The following PTPRA variants were observed in gnomAD, a reference collection of about 807,000 sequenced individuals.
PTPRA encodes protein tyrosine phosphatase receptor type A, also known as receptor-type tyrosine-protein phosphatase alpha.
A neutral mutation model predicts 104.8 loss-of-function variants in PTPRA; 25 were observed. The ratio of observed to expected loss-of-function variants is 0.24; its 90% confidence interval spans 0.17 to 0.33. PTPRA has a LOEUF of 0.33. Ranked by LOEUF, PTPRA falls within the 10% of genes least tolerant of loss-of-function variation. PTPRA has a pLI of 1.00. For synonymous variants in PTPRA, 323 were observed against 368.9 expected, an observed-to-expected ratio of 0.88 and a Z score of 1.43; for missense variants, 765 against 1,015.3, an observed-to-expected ratio of 0.75 and a Z score of 3.35.
intron 1 of PTPRA, among the ~76,000 whole-genome samples, chr20:2,877,037 A>T (rs2089764368): frequency 6.6e-6 from 1 of 151,962 alleles, no homozygotes; most frequent in Non-Finnish European, 1.5e-5. Flanking sequence ...TGCACCCCTC[A>T]TGTTTGTATT....
intron 3 of PTPRA, among the ~76,000 whole-genome samples, chr20:2,949,978 AC>A (rs2061299450): frequency 6.6e-6 from 1 of 152,050 alleles, no homozygotes; most frequent in African/African-American, 2.4e-5. Context: ...ATTTGTTGAT[AC>A]TTTGTTATGA....
chr20:2,937,822 C>T lies in PTPRA; in HGVS notation c.-49-10160C>T, dbSNP rs2060764057. 1.3e-5 allele frequency among the ~76,000 whole-genome samples: 2 copies of T among 152,134 alleles called. 1 individual carries two copies. The highest frequency in any genetic ancestry group is 1.3e-4 in the Admixed American group (2 of 15,266). On this transcript the variant is annotated intron_variant, in intron 2 of 23. Coordinates refer to ENST00000399903, the MANE Select transcript of PTPRA (RefSeq NM_001385305.1). ...CATTTTTATTTCTGAAGGATATTTT[C>T]ACTGTCTATAGAATTTTAGCTTGAT...
chr20:2,892,626 A>G (rs756999677), intron 1 of PTPRA, among the ~76,000 whole-genome samples: 1 of 152,174 alleles, frequency 6.6e-6, no homozygotes, highest in Non-Finnish European at 1.5e-5. Context: ...GCTCAACTGT[A>G]TGCTAATGTG....
intron 3 of PTPRA, among the ~76,000 whole-genome samples, chr20:2,956,636 G>C (rs540049407): frequency 6.6e-6 from 1 of 151,200 alleles, no homozygotes; most frequent in African/African-American, 2.4e-5. Context: ...CAGAGTGAGA[G>C]AGCAAGACCC....
intron 2 of PTPRA, among the ~76,000 whole-genome samples, chr20:2,928,823 T>C (rs1044896791): frequency 1.3e-5 from 2 of 151,026 alleles, no homozygotes; most frequent in African/African-American, 4.9e-5. Flanking sequence ...CTAATCTTTT[T>C]TTCTCTCTTT....
intron 11 of PTPRA, 111 bp downstream of exon 11, chr20:3,007,531 T>C (rs2063932001): frequency 8.1e-7 from 1 of 1,230,850 alleles, no homozygotes; most frequent in Non-Finnish European, 1.1e-6. Flanking sequence ...ATGTTTTCCC[T>C]GACAAGTCTG....
the PTPRA span, chr20:2,864,344 C>G: frequency 3.6e-5 from 58 of 1,614,016 alleles, no homozygotes; most frequent in Non-Finnish European, 4.7e-5. The surrounding 1 kb of genome is among the most constrained non-coding windows in gnomAD (Gnocchi z 5.2). Flanking sequence ...GGAATTCCCA[C>G]TCCACCTTAC....
chr20:2,873,270 T>C (rs1260040755), upstream of PTPRA: 1 of 152,086 alleles, frequency 6.6e-6, no homozygotes, highest in African/African-American at 2.4e-5. The surrounding 1 kb of genome is among the most constrained non-coding windows in gnomAD (Gnocchi z 4.4). Context: ...CCTTCCGGGG[T>C]CCAGCTTCCC....
chr20:2,995,610 G>A (rs1051232669), intron 9 of PTPRA, among the ~76,000 whole-genome samples: 5 of 152,108 alleles, frequency 3.3e-5, no homozygotes, highest in Non-Finnish European at 7.4e-5. Flanking sequence ...CATCATTTCT[G>A]TTGTCTCACT....
At chr20:3,025,808 G>T (rs1005922933) in intron 17 of PTPRA, among the ~76,000 whole-genome samples, 1 of 148,214 alleles carries the variant, frequency 6.7e-6, no homozygotes, top group African/African-American at 2.5e-5. Context: ...GGCAGAGATT[G>T]CAGTGAGCTG....
At chr20:2,947,802 T>C (rs915718209) in intron 2 of PTPRA, among the ~76,000 whole-genome samples, 180 bp from the exon 3 acceptor site, 1 of 152,184 alleles carries the variant, frequency 6.6e-6, no homozygotes, top group African/African-American at 2.4e-5. Flanking sequence ...ATCTGATGAA[T>C]ATGGTGACTT....
chr20:3,013,170 A>G (rs755818656), intron 11 of PTPRA, among the ~76,000 whole-genome samples: 9 of 152,158 alleles, frequency 5.9e-5, no homozygotes, highest in Non-Finnish European at 1.2e-4. Flanking sequence ...CCATCACTTA[A>G]CTTTTTGCGT....
At position 3,031,913 on chromosome 20, in the gene PTPRA, T is replaced by G. The variant is rs118026467; in HGVS notation, c.1921-3672T>G. 2.6e-3 allele frequency among the ~76,000 whole-genome samples: 396 copies of G among 152,324 alleles called. 1 individual carries two copies. Among genetic ancestry groups the G allele is most frequent in the Non-Finnish European group, 4.6e-3 (316 of 68,024 alleles). On this transcript the variant is annotated intron_variant, in intron 20 of 23. Coordinates refer to ENST00000399903, the MANE Select transcript of PTPRA (RefSeq NM_001385305.1). ...CTCTAGTAAAACCCAGTTATATGCC[T>G]CTATCTGATATAGCAAACATCACTG...
chr20:2,949,288 A>G (rs1276749732), intron 3 of PTPRA, among the ~76,000 whole-genome samples: 7 of 149,420 alleles, frequency 4.7e-5, no homozygotes, highest in South Asian at 2.1e-4. Flanking sequence ...CTTACTTCCT[A>G]TGGATTCTTG....
At position 3,037,221 on chromosome 20, in the gene PTPRA, G is replaced by A. The variant is rs753801194; in HGVS notation, c.2266G>A (p.Gly756Arg). 6.2e-7 allele frequency: 1 copy of A among 1,614,130 alleles called. No homozygotes were observed. Among genetic ancestry groups the A allele is most frequent in the African/African-American group, 1.3e-5 (1 of 74,940 alleles). ...CGTCCTGGAGCGTGTGAAAGCAGAG[G>A]GGATTTTGGATGTCTTCCAGACTGT... ...STVLERVKAEGILDVFQTVKS... is the reference protein window; with the variant it reads ...STVLERVKAERILDVFQTVKS... Residue 756 changes from glycine to arginine, a missense_variant, in exon 23 of 24, where the codon GGG becomes AGG. Gly to Arg is a moderately radical substitution (Grantham distance 125, BLOSUM62 -2). Transcript: ENST00000399903. The surrounding 1 kb of genome is among the most constrained non-coding windows in gnomAD (Gnocchi z 4.3).
At chr20:2,907,840 T>C (rs778376455) in intron 1 of PTPRA, among the ~76,000 whole-genome samples, 1 of 152,168 alleles carries the variant, frequency 6.6e-6, no homozygotes, top group Non-Finnish European at 1.5e-5. Flanking sequence ...TTATTGATCT[T>C]GCTCCTAATA....
chr20:2,962,809 C>T (rs1382981633), intron 3 of PTPRA, among the ~76,000 whole-genome samples: 3 of 152,284 alleles, frequency 2.0e-5, no homozygotes, highest in Middle Eastern at 3.4e-3. Flanking sequence ...CTGCTAGGCA[C>T]GGCTGCTGGT....
At chr20:2,962,706 A>G (rs2061798719) in intron 3 of PTPRA, among the ~76,000 whole-genome samples, 2 of 152,208 alleles carry the variant, frequency 1.3e-5, no homozygotes, top group South Asian at 4.1e-4. Context: ...CTAACAGTAT[A>G]TCACTGGTTT....
intron 9 of PTPRA, among the ~76,000 whole-genome samples, chr20:2,996,857 G>A (rs998229913): frequency 6.6e-6 from 1 of 152,182 alleles, no homozygotes; most frequent in Non-Finnish European, 1.5e-5. Flanking sequence ...AGGTGGGGGA[G>A]TTTAAATTGG....
Sources: gnomAD v4.1 joint callset for allele counts (sites outside exome capture counted in the v4.1 genomes callset) on GRCh38, gnomAD v4.1.1 for gene constraint, Gnocchi (gnomAD v3.1) non-coding constraint, MANE v1.5 for transcripts, NCBI Gene and HGNC (gene_info 2026-07-23, HGNC 2026-07-21) for gene names.